The following FGD5 variants were observed in gnomAD, a reference collection of about 807,000 sequenced individuals.
FGD5 encodes the protein FYVE, RhoGEF and PH domain-containing protein 5.
Under a neutral mutation model 133.4 loss-of-function variants are expected in FGD5, and 28 were observed. The observed-to-expected ratio is 0.21, with a 90% CI of 0.16 to 0.29. The LOEUF (loss-of-function observed/expected upper bound fraction) is 0.29, where lower values mean the gene tolerates loss of function less well. Ranked by LOEUF, FGD5 falls within the 10% of genes least tolerant of loss-of-function variation. The pLI is 1.00. For missense variants in FGD5, 1,858 were observed against 1,895.2 expected, an observed-to-expected ratio of 0.98 and a Z score of 0.36; for synonymous variants, 810 against 776.5, an observed-to-expected ratio of 1.04 and a Z score of -0.72.
At chr3:14,913,788 C>T (rs1056193417) in intron 11 of FGD5, among the ~76,000 whole-genome samples, 2 of 152,202 alleles carry the variant, frequency 1.3e-5, no homozygotes, top group Admixed American at 6.5e-5. Flanking sequence ...CTGGTCTTGG[C>T]TCACTGGCCC....
At chr3:14,815,836 G>A (rs551060027), upstream of FGD5, among the ~76,000 whole-genome samples, 11 of 152,212 alleles carry the variant, frequency 7.2e-5, no homozygotes, top group Admixed American at 2.0e-4. Flanking sequence ...AGCCGGAAAC[G>A]CAGGTTCTAC....
intron 9 of FGD5, among the ~76,000 whole-genome samples, chr3:14,904,505 G>GGTGTGTGTGTGT (rs55744974): frequency 3.3e-5 from 5 of 150,848 alleles, no homozygotes; most frequent in Admixed American, 6.6e-5. Context: ...TAGATTTCAG[G>GGTGTGTGTGTGT]GTGTGTGTGT....
rs775325984 is a variant in FGD5 at position 14,819,491 on chromosome 3, C to A, written c.420C>A (p.Asp140Glu). The A allele has an allele frequency of 1.3e-6, 2 of 1,551,334 alleles. No homozygotes were observed. Among genetic ancestry groups the A allele is most frequent in the Non-Finnish European group, 1.7e-6 (2 of 1,146,980 alleles). Residue 140 changes from aspartate to glutamate, a missense_variant, in exon 1 of 20, where the codon GAC becomes GAA. Coordinates refer to ENST00000285046, the MANE Select transcript of FGD5 (RefSeq NM_152536.4). The surrounding 1 kb of genome is among the most constrained non-coding windows in gnomAD (Gnocchi z 4.1). ...GCAGGGAGGGTGAGGAAGGCACAGACCTTGCTCTTGAGGATGAAGGGGAGG... is the reference window on the plus strand; with the variant it reads ...GCAGGGAGGGTGAGGAAGGCACAGAACTTGCTCTTGAGGATGAAGGGGAGG... ...ALSREGEEGT[D>E]LALEDEGEGC...
chr3:14,868,271 C>T (rs1469776424), intron 2 of FGD5, among the ~76,000 whole-genome samples: 5 of 152,132 alleles, frequency 3.3e-5, no homozygotes, highest in Middle Eastern at 3.4e-3. Context: ...CTCCCAGGGA[C>T]CCCCTCCCCC....
Position 14,820,464 on chromosome 3 carries a change from G to GAAC in FGD5, c.1394_1395insACA (p.Glu465_Ala466insGln). 6.2e-7 allele frequency: 1 copy of GAAC among 1,613,964 alleles called. No individual in the cohort carries two copies. On this transcript the variant is annotated inframe_insertion, in exon 1 of 20. Transcript: ENST00000285046. ...TGGCTCGAAAGAAGAATTGAACTGT[G>GAAC]AGGCAGAGGGTGGCCTGGTTCCCGC...
intron 5 of FGD5, 22 bp downstream of exon 5, chr3:14,897,691 G>T: frequency 6.3e-7 from 1 of 1,576,682 alleles, no homozygotes. Context: ...CTGGACCCCC[G>T]GGTTCCACTT....
chr3:14,906,915 AGT>A (rs941702707), intron 9 of FGD5, among the ~76,000 whole-genome samples: 5 of 152,242 alleles, frequency 3.3e-5, no homozygotes, highest in Admixed American at 2.0e-4. Context: ...CAATGAGAAC[AGT>A]GTTCTCTTGT....
At chr3:14,842,331 C>A (rs1402428719) in intron 1 of FGD5, among the ~76,000 whole-genome samples, 1 of 152,206 alleles carries the variant, frequency 6.6e-6, no homozygotes, top group African/African-American at 2.4e-5. Context: ...GGCATGGTCA[C>A]AGAGACCAAC....
At chr3:14,889,893 T>C (rs752290295) in intron 4 of FGD5, among the ~76,000 whole-genome samples, 6 of 152,338 alleles carry the variant, frequency 3.9e-5, no homozygotes, top group Non-Finnish European at 5.9e-5. Context: ...CTTTTTTGTA[T>C]TGCTCTTAGA....
chr3:14,927,431 C>T (rs1170984251), intron 18 of FGD5, among the ~76,000 whole-genome samples: 6 of 152,012 alleles, frequency 3.9e-5, no homozygotes, highest in Non-Finnish European at 4.4e-5. Context: ...CCAGCCGGAG[C>T]AACATAGTGA....
At position 14,892,258 on chromosome 3, in the gene FGD5, G is replaced by A. The variant is rs1366662155; in HGVS notation, c.2749-5251G>A. 1.9e-4 allele frequency among the ~76,000 whole-genome samples: 29 copies of A among 151,478 alleles called. 1 individual carries two copies. Among genetic ancestry groups the A allele is most frequent in the Admixed American group, 1.9e-3 (29 of 15,218 alleles). ...GCTCTATCACCCAGGCTGGAGTGTAGTGGCGCTATCACAACTCACTGCAGT... is the reference window on the plus strand; with the variant it reads ...GCTCTATCACCCAGGCTGGAGTGTAATGGCGCTATCACAACTCACTGCAGT... On this transcript the variant is annotated intron_variant, in intron 4 of 19. Transcript: ENST00000285046.
At chr3:14,911,618 C>T (rs1009209578) in intron 11 of FGD5, among the ~76,000 whole-genome samples, 6 of 151,884 alleles carry the variant, frequency 4.0e-5, no homozygotes, top group East Asian at 3.9e-4. Context: ...TAAGAGTCTA[C>T]GAGCTCTCTC....
chr3:14,842,032 G>A (rs1447014086), intron 1 of FGD5, among the ~76,000 whole-genome samples: 2 of 152,234 alleles, frequency 1.3e-5, no homozygotes, highest in African/African-American at 4.8e-5. Context: ...ATCCCAGCTT[G>A]GGCAGCTGCA....
chr3:14,858,706 C>CTCATCT (rs1049451927), intron 1 of FGD5, among the ~76,000 whole-genome samples: 1 of 152,150 alleles, frequency 6.6e-6, no homozygotes, highest in African/African-American at 2.4e-5. Flanking sequence ...GAGCAGAGTA[C>CTCATCT]TCATCTCGGA....
intron 1 of FGD5, among the ~76,000 whole-genome samples, chr3:14,843,370 G>T (rs1193688573): frequency 6.6e-6 from 1 of 152,148 alleles, no homozygotes; most frequent in Non-Finnish European, 1.5e-5. Context: ...AGGCTGATGT[G>T]CTGTGTCAGA....
intron 1 of FGD5, among the ~76,000 whole-genome samples, chr3:14,837,339 G>C (rs73815957): frequency 1.4e-4 from 21 of 152,208 alleles, no homozygotes; most frequent in Non-Finnish European, 2.2e-4. Flanking sequence ...TGTAACCCCA[G>C]GAGGGGCGGT....
chr3:14,925,751 A>G (rs2038790350), intron 17 of FGD5, among the ~76,000 whole-genome samples: 1 of 152,196 alleles, frequency 6.6e-6, no homozygotes, highest in Non-Finnish European at 1.5e-5. Context: ...TAGAAGGAAG[A>G]ACCTTTCGCC....
chr3:14,890,576 G>T (rs1208763742), intron 4 of FGD5, among the ~76,000 whole-genome samples: 4 of 152,202 alleles, frequency 2.6e-5, no homozygotes, highest in Admixed American at 1.3e-4. Context: ...AACCCTTTCA[G>T]GGAGTGATGG....
Position 14,819,969 on chromosome 3 carries a change from G to A in FGD5, c.898G>A (p.Glu300Lys), listed in dbSNP as rs200969629. The change falls in exon 1 of 20, where the codon GAG becomes AAG. Residue 300 changes from glutamate (E) to lysine (K), a missense_variant. Glu to Lys is a moderately conservative substitution (Grantham distance 56). This residue lies in a region of FGD5 where 1,824 missense variants were observed against 1,848.9 expected (regional missense o/e 0.99). Coordinates refer to ENST00000285046, the MANE Select transcript of FGD5 (RefSeq NM_152536.4). This position sits in a 1 kb window ranked among gnomAD's most constrained non-coding sequence, Gnocchi z 4.1. Reference sequence around the variant, plus strand: ...TGACCTCAGTGAACCACCTGACCACGAGAAGAAAACCAACCAAGAAGTGGC... The same window carrying A: ...TGACCTCAGTGAACCACCTGACCACAAGAAGAAAACCAACCAAGAAGTGGC... ...QVDLSEPPDH[E>K]KKTNQEVAAA... is the part of the protein sequence containing the mutation. The A allele has an allele frequency of 5.4e-4, 865 of 1,613,974 alleles. 6 individuals are homozygous for A. Among genetic ancestry groups the A allele is most frequent in the Middle Eastern group, 3.3e-4 (2 of 6,062 alleles).
Sources: allele counts gnomAD v4.1 joint callset (sites outside exome capture counted in the v4.1 genomes callset), GRCh38; gene constraint gnomAD v4.1.1; regional missense constraint gnomAD v4.1.1; non-coding constraint Gnocchi (gnomAD v3.1); transcripts MANE v1.5; gene names NCBI Gene and HGNC (gene_info 2026-07-23, HGNC 2026-07-21).